Variants in LGR5 observed in about 807,000 individuals in gnomAD.
The protein encoded by LGR5 is leucine-rich repeat-containing G protein-coupled receptor 5.
Under a neutral mutation model 76.7 loss-of-function variants are expected in LGR5, and 54 were observed. That is an observed-to-expected ratio of 0.70 (90% CI 0.57 to 0.88). The LOEUF (loss-of-function observed/expected upper bound fraction) is 0.88, where lower values mean the gene tolerates loss of function less well. LGR5 is among the 40% of genes least tolerant of loss of function. The pLI, the probability that LGR5 is intolerant of heterozygous loss-of-function variation, is 0.00. For missense variants in LGR5, 1,078 were observed against 1,073.3 expected (o/e 1.00, Z -0.06); for synonymous variants, 406 against 421.9 (o/e 0.96, Z 0.46).
chr12:71,541,219 AAG>A (rs1423622571), intron 4 of LGR5, among the ~76,000 whole-genome samples: 1 of 152,212 alleles, frequency 6.6e-6, no homozygotes, highest in East Asian at 1.9e-4. Context: ...TGTTTACAAG[AAG>A]AGAGAGCTAA....
chr12:71,514,301 G>A (rs186145804), intron 2 of LGR5, among the ~76,000 whole-genome samples: 2 of 151,946 alleles, frequency 1.3e-5, no homozygotes, highest in East Asian at 3.9e-4. Context: ...GGGCACGGTG[G>A]CTCACGCCTG....
intron 17 of LGR5, among the ~76,000 whole-genome samples, chr12:71,583,076 A>C (rs935069069): frequency 3.3e-5 from 5 of 152,000 alleles, no homozygotes; most frequent in Non-Finnish European, 5.9e-5. Context: ...AGTGAAGTTG[A>C]ATTCTTAATA....
rs1879143019 is a variant in LGR5, at chr12:71,582,660, C to T, written c.1636+121C>T. On this transcript the variant is annotated intron_variant, in intron 17 of 17. Transcript: ENST00000266674. ...TGCCAACTTTGCAGCTCATCAGTAACCCTCCCCATAGTGGCCTGTCAAATA... is the reference window on the plus strand; with the variant it reads ...TGCCAACTTTGCAGCTCATCAGTAATCCTCCCCATAGTGGCCTGTCAAATA... The T allele has an allele frequency of 1.1e-5, 8 of 702,498 alleles. No homozygotes were observed. The East Asian group carries it at 1.9e-4, about 16-fold the overall frequency. The allele number at this position is 702,498 out of a possible 1,614,324, so 43.5% of individuals were successfully genotyped here.
chr12:71,538,947 G>T (rs946389664), intron 4 of LGR5, among the ~76,000 whole-genome samples: 2 of 152,168 alleles, frequency 1.3e-5, no homozygotes, highest in African/African-American at 4.8e-5. Flanking sequence ...AAATATAAAA[G>T]TCAGGCATTG....
chr12:71,541,549 T>C (rs898805496), intron 4 of LGR5, among the ~76,000 whole-genome samples: 1 of 152,184 alleles, frequency 6.6e-6, no homozygotes, highest in African/African-American at 2.4e-5. Flanking sequence ...TGATCAGTTG[T>C]GAAAAGACAC....
At chr12:71,581,342 A>C (rs1879082997) in intron 16 of LGR5, among the ~76,000 whole-genome samples, 2 of 152,230 alleles carry the variant, frequency 1.3e-5, no homozygotes. Flanking sequence ...AACAGACAAC[A>C]ATGCCTCTCA....
intron 2 of LGR5, among the ~76,000 whole-genome samples, chr12:71,512,244 C>G (rs1056771280): frequency 6.6e-6 from 1 of 152,160 alleles, no homozygotes; most frequent in African/African-American, 2.4e-5. Context: ...CCTGCCTTGA[C>G]CTCCCAAACC....
Position 71,535,188 on chromosome 12 carries a change from T to A in LGR5, c.428+2T>A. On this transcript the variant is annotated splice_donor_variant, in intron 4 of 17. Transcript: ENST00000266674. LOFTEE classifies it high-confidence loss of function. ...GAATTTGCGAAGCCTTCAATCCCTG[T>A]AAGTATAGTAGACATTGCAAAATAT... The A allele has an allele frequency of 6.3e-7, 1 of 1,582,556 alleles. No homozygotes were observed. The highest frequency in any genetic ancestry group is 8.7e-7 in the Non-Finnish European group (1 of 1,151,808).
rs779866748 is a variant in LGR5 at position 71,584,781 on chromosome 12, G to T, written c.*47G>T. ...TTTCAAAGGTTGAGAACCTGAAAATGTGAGATTGAGTATATCAGAGCAGTA... is the reference window on the plus strand; with the variant it reads ...TTTCAAAGGTTGAGAACCTGAAAATTTGAGATTGAGTATATCAGAGCAGTA... On this transcript the variant is annotated 3_prime_UTR_variant, in exon 18 of 18. Coordinates refer to ENST00000266674, the MANE Select transcript of LGR5 (RefSeq NM_003667.4). 1 of 1,555,298 alleles carries T rather than the reference G, an allele frequency of 6.4e-7. No individual in the cohort carries two copies. The highest frequency in any genetic ancestry group is 1.8e-5 in the Admixed American group (1 of 57,018).
intron 1 of LGR5, among the ~76,000 whole-genome samples, chr12:71,495,915 A>G (rs1308508798): frequency 1.3e-5 from 2 of 152,132 alleles, no homozygotes; most frequent in Non-Finnish European, 2.9e-5. Flanking sequence ...TCTAATTCAA[A>G]GGTCATCAAA....
At chr12:71,570,662 A>C (rs1592556901) in intron 11 of LGR5, among the ~76,000 whole-genome samples, 1 of 152,298 alleles carries the variant, frequency 6.6e-6, no homozygotes, top group East Asian at 1.9e-4. Flanking sequence ...CTTCATTTGT[A>C]CTATTTATGC....
intron 4 of LGR5, among the ~76,000 whole-genome samples, chr12:71,541,097 T>C (rs559678112): frequency 6.6e-6 from 1 of 152,182 alleles, no homozygotes; most frequent in African/African-American, 2.4e-5. Flanking sequence ...CGGAACCATA[T>C]GCAGATCAGC....
intron 4 of LGR5, among the ~76,000 whole-genome samples, chr12:71,543,111 T>C (rs968828739): frequency 3.3e-5 from 5 of 152,180 alleles, no homozygotes; most frequent in Non-Finnish European, 5.9e-5. Flanking sequence ...AGTGTTGATC[T>C]AGACAGCTGC....
At chr12:71,496,389 A>G (rs866419609) in intron 1 of LGR5, among the ~76,000 whole-genome samples, 86 of 124,556 alleles carry the variant, frequency 6.9e-4, no homozygotes, top group East Asian at 1.7e-3. Flanking sequence ...AAAAAAAAAA[A>G]AAAGAGAGAG....
intron 12 of LGR5, among the ~76,000 whole-genome samples, chr12:71,572,076 C>T: frequency 6.7e-6 from 1 of 148,812 alleles, no homozygotes; most frequent in East Asian, 2.1e-4. Context: ...CCCTACAAAA[C>T]ATCAGCCTTT....
At position 71,523,120 on chromosome 12, in the gene LGR5, T is replaced by C. The variant is rs138670982; in HGVS notation, c.285-1286T>C. ...TTCATTTGATAAGCGTAGCATTTCT[T>C]TAAATATTCATTTATAGTATATTAT... is the stretch of plus-strand genomic sequence containing the variant. On this transcript the variant is annotated intron_variant, in intron 2 of 17. Transcript: ENST00000266674. Among the ~76,000 whole-genome samples, 611 of 152,344 alleles carry C rather than the reference T, an allele frequency of 4.0e-3. 6 individuals are homozygous for C. The highest frequency in any genetic ancestry group is 0.014 in the African/African-American group (577 of 41,566).
At position 71,572,875 on chromosome 12, in the gene LGR5, G is replaced by C. The variant is rs148289646; in HGVS notation, c.1162G>C (p.Glu388Gln). 1 of 1,613,734 alleles carries C rather than the reference G, an allele frequency of 6.2e-7. No individual in the cohort carries two copies. The highest frequency in any genetic ancestry group is 8.5e-7 in the Non-Finnish European group (1 of 1,179,746). The part of the protein sequence containing the change: ...KIDLRHNEIY[E>Q]IKVDTFQQLL... ...TGACCTAAGACATAATGAAATCTAC[G>C]AAATTAAAGTTGACACTTTCCAGCA... Residue 388 changes from glutamate (E) to glutamine (Q), a missense_variant, in exon 13 of 18, where the codon GAA (glutamate) becomes CAA (glutamine). By Grantham distance (29) the Glu-to-Gln change is conservative. Coordinates refer to ENST00000266674, the MANE Select transcript of LGR5 (RefSeq NM_003667.4).
chr12:71,475,645 A>T (rs1873299945), intron 1 of LGR5, among the ~76,000 whole-genome samples: 1 of 152,046 alleles, frequency 6.6e-6, no homozygotes. Flanking sequence ...TCTCTCACTC[A>T]TCCCCCCCTT....
chr12:71,443,127 TCAAA>T (rs151289738), intron 1 of LGR5, among the ~76,000 whole-genome samples: 3,520 of 152,286 alleles, frequency 0.023, 129 homozygotes, highest in African/African-American at 0.081. Context: ...TTCCTTTTCT[TCAAA>T]CAGATTGATG....
Sources: gnomAD v4.1 joint callset for allele counts (sites outside exome capture counted in the v4.1 genomes callset) on GRCh38, gnomAD v4.1.1 for gene constraint, MANE v1.5 for transcripts, NCBI Gene and HGNC (gene_info 2026-07-23, HGNC 2026-07-21) for gene names.